The following LIN52 variants were observed in gnomAD, a reference collection of about 807,000 sequenced individuals.
LIN52 encodes the protein protein lin-52 homolog.
A neutral mutation model predicts 18.5 loss-of-function variants in LIN52; 4 were observed. The observed-to-expected ratio is 0.22, with a 90% CI of 0.11 to 0.49. The LOEUF is 0.49. Ranked by LOEUF, LIN52 falls within the 20% of genes least tolerant of loss-of-function variation. The pLI is 0.97. For missense variants in LIN52, 102 were observed against 139.5 expected (o/e 0.73, Z 1.35); for synonymous variants, 34 against 45.5 (o/e 0.75, Z 1.02).
At chr14:74,119,911 C>T (rs1229812441) in intron 5 of LIN52, among the ~76,000 whole-genome samples, 1 of 151,476 alleles carries the variant, frequency 6.6e-6, no homozygotes, top group African/African-American at 2.4e-5. Context: ...TCTCAGCTCA[C>T]TGCAATGTCT....
chr14:74,180,493 C>T (rs896222652), intron 5 of LIN52, among the ~76,000 whole-genome samples: 1 of 151,772 alleles, frequency 6.6e-6, no homozygotes, highest in Non-Finnish European at 1.5e-5. Context: ...CTCCTGACCT[C>T]GTGATCCACT....
chr14:74,124,972 C>T (rs1031967821), intron 5 of LIN52, among the ~76,000 whole-genome samples: 1 of 151,910 alleles, frequency 6.6e-6, no homozygotes, highest in Non-Finnish European at 1.5e-5. Flanking sequence ...ATCAATAAAG[C>T]AAAAAGACAA....
chr14:74,147,207 G>A (rs1422299476), intron 5 of LIN52, among the ~76,000 whole-genome samples: 1 of 152,074 alleles, frequency 6.6e-6, no homozygotes, highest in African/African-American at 2.4e-5. Flanking sequence ...GCAGTGACCC[G>A]AGATCGCACC....
At chr14:74,171,657 C>G (rs1285465627) in intron 5 of LIN52, among the ~76,000 whole-genome samples, 1 of 150,950 alleles carries the variant, frequency 6.6e-6, no homozygotes, top group Non-Finnish European at 1.5e-5. Context: ...AAAGTCAGAA[C>G]TTACATAGAC....
chr14:74,149,831 A>G (rs79158214), intron 5 of LIN52, among the ~76,000 whole-genome samples: 231 of 152,282 alleles, frequency 1.5e-3, no homozygotes, highest in African/African-American at 5.2e-3. Flanking sequence ...CATGGGATAC[A>G]GACTCTTCTG....
At position 74,166,502 on chromosome 14, in the gene LIN52, C is replaced by T. The variant is rs529726165; in HGVS notation, c.284-32420C>T. Among the ~76,000 whole-genome samples the T allele has an allele frequency of 2.0e-4, 30 of 152,074 alleles. No homozygotes were observed. The East Asian group carries it at 3.5e-3, about 18-fold the overall frequency. On this transcript the variant is annotated intron_variant, in intron 5 of 5. Coordinates refer to ENST00000555028, the MANE Select transcript of LIN52 (RefSeq NM_001024674.3). ...TGCTGGGATTACAGGCATGAGCCAC[C>T]GCGCCCGGCCAAGATCTTTAAATTA...
intron 5 of LIN52, among the ~76,000 whole-genome samples, chr14:74,160,375 C>T (rs1358512445): frequency 1.3e-5 from 2 of 152,150 alleles, no homozygotes; most frequent in Non-Finnish European, 2.9e-5. Context: ...CCCAAATACC[C>T]TTCTCTCTAT....
chr14:74,177,847 T>C (rs2139581803), intron 5 of LIN52, among the ~76,000 whole-genome samples: 1 of 152,120 alleles, frequency 6.6e-6, no homozygotes, highest in Admixed American at 6.5e-5. Context: ...GCGTGATCTC[T>C]GCTCATTCCA....
chr14:74,173,048 T>G (rs996046465), intron 5 of LIN52, among the ~76,000 whole-genome samples: 1 of 152,184 alleles, frequency 6.6e-6, no homozygotes, highest in Admixed American at 6.5e-5. Context: ...TGTAGCACAA[T>G]ACTGACATAG....
At chr14:74,166,833 T>A (rs1344757657) in intron 5 of LIN52, among the ~76,000 whole-genome samples, 2 of 152,220 alleles carry the variant, frequency 1.3e-5, no homozygotes, top group African/African-American at 4.8e-5. Context: ...CTCTAAATAT[T>A]GACCTCTGGT....
chr14:74,182,428 G>A (rs2061321699), intron 5 of LIN52, among the ~76,000 whole-genome samples: 1 of 126,500 alleles, frequency 7.9e-6, no homozygotes, highest in African/African-American at 2.5e-5. Context: ...AAACCACAAT[G>A]CAAACAATTA....
At chr14:74,141,679 G>A (rs1057391774) in intron 5 of LIN52, among the ~76,000 whole-genome samples, 5 of 152,114 alleles carry the variant, frequency 3.3e-5, no homozygotes, top group Admixed American at 2.0e-4. Flanking sequence ...ATCATTAGCC[G>A]GACATATGTG....
intron 5 of LIN52, among the ~76,000 whole-genome samples, chr14:74,107,417 T>C (rs2060903422): frequency 6.6e-6 from 1 of 152,190 alleles, no homozygotes; most frequent in Admixed American, 6.5e-5. Context: ...TACTTCCCCA[T>C]CTTCTTAGTT....
intron 1 of LIN52, among the ~76,000 whole-genome samples, chr14:74,086,582 G>C (rs544792029): frequency 4.6e-5 from 7 of 152,056 alleles, no homozygotes; most frequent in Non-Finnish European, 8.8e-5. Flanking sequence ...TTGAGCCCAG[G>C]GGGTGGAGGC....
intron 5 of LIN52, among the ~76,000 whole-genome samples, chr14:74,109,136 G>A (rs916596407): frequency 2.0e-5 from 3 of 152,102 alleles, no homozygotes; most frequent in African/African-American, 4.8e-5. Context: ...TCTTAGCATC[G>A]TTTGTTGAAA....
In LIN52 at chr14:74,153,808, T is replaced by G. The variant is rs557508676; in HGVS notation, c.284-45114T>G. Among the ~76,000 whole-genome samples the G allele has an allele frequency of 5.9e-5, 9 of 152,310 alleles. No homozygotes were observed. The South Asian group carries it at 1.9e-3, about 32-fold the overall frequency. ...ATCCACCCGCCTCTGCCTCCCAAAGTGCTGGGATTACAGGCGTGAGCCACC... is the reference window on the plus strand; with the variant it reads ...ATCCACCCGCCTCTGCCTCCCAAAGGGCTGGGATTACAGGCGTGAGCCACC... On this transcript the variant is annotated intron_variant, in intron 5 of 5. Transcript: ENST00000555028.
intron 2 of LIN52, among the ~76,000 whole-genome samples, chr14:74,092,955 G>T (rs1183120190): frequency 6.7e-6 from 1 of 149,856 alleles, no homozygotes. Context: ...GTTTGTTTGT[G>T]TATTTATTTA....
intron 5 of LIN52, among the ~76,000 whole-genome samples, chr14:74,128,371 T>C (rs1313700037): frequency 6.6e-6 from 1 of 152,090 alleles, no homozygotes; most frequent in African/African-American, 2.4e-5. Context: ...AGTATTTAGC[T>C]GAGGACTGAT....
chr14:74,145,161 T>C (rs886947246), intron 5 of LIN52, among the ~76,000 whole-genome samples: 1 of 152,214 alleles, frequency 6.6e-6, no homozygotes, highest in Non-Finnish European at 1.5e-5. Flanking sequence ...CATAAGCAGT[T>C]ATGGTGTCAA....
Sources: allele counts gnomAD v4.1 joint callset (sites outside exome capture counted in the v4.1 genomes callset), GRCh38; gene constraint gnomAD v4.1.1; transcripts MANE v1.5; gene names NCBI Gene and HGNC (gene_info 2026-07-23, HGNC 2026-07-21).